The following RIPK2 variants were observed in gnomAD, a reference collection of about 807,000 sequenced individuals.
RIPK2 encodes the protein receptor interacting serine/threonine kinase 2.
A neutral mutation model predicts 60.9 loss-of-function variants in RIPK2; 38 were observed. That is an observed-to-expected ratio of 0.62 (90% CI 0.48 to 0.82). RIPK2 has a LOEUF of 0.82. Ranked by LOEUF, RIPK2 falls within the 40% of genes least tolerant of loss-of-function variation. RIPK2 has a pLI of 0.00. For synonymous variants in RIPK2, 225 were observed against 223.4 expected, an observed-to-expected ratio of 1.01 and a Z score of -0.06; for missense variants, 518 against 647.0, an observed-to-expected ratio of 0.80 and a Z score of 2.16.
chr8:89,763,023 T>C, intron 2 of RIPK2, 41 bp downstream of exon 2: 1 of 1,246,736 alleles, frequency 8.0e-7, no homozygotes. Flanking sequence ...TTGCCATTTT[T>C]ACTATTCAAA....
intron 5 of RIPK2, among the ~76,000 whole-genome samples, chr8:89,772,214 C>T (rs555755165): frequency 6.6e-6 from 1 of 152,024 alleles, no homozygotes; most frequent in Non-Finnish European, 1.5e-5. Context: ...ATATCGAAGA[C>T]TAATCTGTCC....
At chr8:89,786,826 T>C in intron 9 of RIPK2, 140 bp downstream of exon 9, 1 of 639,628 alleles carries the variant, frequency 1.6e-6, no homozygotes, top group East Asian at 2.8e-5. Flanking sequence ...AGTCTAAAGA[T>C]AGGAAAATAG....
chr8:89,774,468 T>A (rs555990950), intron 6 of RIPK2, among the ~76,000 whole-genome samples: 15 of 152,216 alleles, frequency 9.9e-5, no homozygotes, highest in Non-Finnish European at 1.5e-4. Context: ...TGCTGCCACT[T>A]TGGAAAACGG....
intron 6 of RIPK2, among the ~76,000 whole-genome samples, chr8:89,775,440 A>G (rs1479950386): frequency 1.3e-5 from 2 of 151,992 alleles, no homozygotes; most frequent in African/African-American, 4.8e-5. Context: ...CTAGCTGACA[A>G]AGCAAAATGC....
At chr8:89,773,851 G>C (rs1280253477) in intron 6 of RIPK2, among the ~76,000 whole-genome samples, 1 of 152,124 alleles carries the variant, frequency 6.6e-6, no homozygotes, top group Non-Finnish European at 1.5e-5. Context: ...AAATAAATAG[G>C]ATTCATTAAA....
intron 3 of RIPK2, among the ~76,000 whole-genome samples, chr8:89,766,049 T>G (rs1039139736): frequency 2.0e-5 from 3 of 151,860 alleles, no homozygotes; most frequent in African/African-American, 7.2e-5. Context: ...CTGCTTTCCA[T>G]CTCTTTAATT....
At chr8:89,768,430 C>T (rs1261974000) in intron 3 of RIPK2, among the ~76,000 whole-genome samples, 1 of 151,630 alleles carries the variant, frequency 6.6e-6, no homozygotes, top group Non-Finnish European at 1.5e-5. Context: ...CAGTACAGAG[C>T]TTGAATCAGA....
At chr8:89,777,650 CATTT>C (rs1809421187) in intron 6 of RIPK2, among the ~76,000 whole-genome samples, 1 of 151,900 alleles carries the variant, frequency 6.6e-6, no homozygotes. Flanking sequence ...AGACATGTTT[CATTT>C]ATAGCCATTG....
In RIPK2 at chr8:89,764,420, G is replaced by A. The variant is rs924456632; in HGVS notation, c.328-921G>A. On this transcript the variant is annotated intron_variant, in intron 2 of 10. Transcript: ENST00000220751. ...TGCCAGATTGATCACTGAACTATAA[G>A]CTGACGCATTTGCAGAAAAACTTCT... Among the ~76,000 whole-genome samples the A allele has an allele frequency of 2.2e-4, 34 of 152,114 alleles. 1 individual carries two copies. Among genetic ancestry groups the A allele is most frequent in the Non-Finnish European group, 2.5e-4 (17 of 68,012 alleles).
chr8:89,780,056 AT>A lies in RIPK2; in HGVS notation c.854-12del, dbSNP rs766708352. 7.9e-7 allele frequency: 1 copy of A among 1,272,218 alleles called. No homozygotes were observed. The highest frequency in any genetic ancestry group is 1.1e-6 in the Non-Finnish European group (1 of 896,044). 78.8% of individuals were successfully genotyped at this position (1,272,218 alleles called of 1,614,324 possible). A position where few individuals can be genotyped will look rare whatever the true frequency, so the allele number is the denominator to read the frequency against. The stretch of plus-strand genomic sequence containing the variant: ...TAGAAGCAATCTGAACTCAACCTGT[AT>A]TTTTTTCTCTTATGTAGAATGTTTA... On this transcript the variant is annotated intron_variant, in intron 6 of 10. Coordinates refer to ENST00000220751, the MANE Select transcript of RIPK2 (RefSeq NM_003821.6).
intron 3 of RIPK2, among the ~76,000 whole-genome samples, chr8:89,768,857 G>C (rs1174330227): frequency 1.3e-5 from 2 of 151,508 alleles, no homozygotes; most frequent in Non-Finnish European, 3.0e-5. Flanking sequence ...AAAAATATAG[G>C]AGGTAAACAA....
At chr8:89,789,226 G>T in intron 9 of RIPK2, 95 bp from the exon 10 acceptor site, 2 of 1,026,984 alleles carry the variant, frequency 1.9e-6, no homozygotes, top group Non-Finnish European at 2.9e-6. Context: ...TAAAGACATT[G>T]GAGCCTACCT....
At chr8:89,770,621 G>C (rs912266380) in intron 4 of RIPK2, among the ~76,000 whole-genome samples, 1 of 151,766 alleles carries the variant, frequency 6.6e-6, no homozygotes, top group Non-Finnish European at 1.5e-5. Context: ...GACTCTCTAA[G>C]TTTGCTCTGA....
At chr8:89,763,784 C>T (rs1356987100) in intron 2 of RIPK2, among the ~76,000 whole-genome samples, 1 of 152,150 alleles carries the variant, frequency 6.6e-6, no homozygotes. Flanking sequence ...GAATACATCA[C>T]ATTCTATTCA....
At position 89,770,540 on chromosome 8, in the gene RIPK2, G is replaced by A. The variant is rs528218962; in HGVS notation, c.641+611G>A. Among the ~76,000 whole-genome samples, 5 of 151,892 alleles carry A rather than the reference G, an allele frequency of 3.3e-5. No individual in the cohort carries two copies. The South Asian group carries it at 1.0e-3, about 31-fold the overall frequency. ...GAAGATGATTATTTACACAGGTTTA[G>A]GAGATGGGGACATTCACCTCATGTA... On this transcript the variant is annotated intron_variant, in intron 4 of 10. Transcript: ENST00000220751.
chr8:89,770,833 C>A (rs367583206), intron 4 of RIPK2, among the ~76,000 whole-genome samples: 1 of 151,928 alleles, frequency 6.6e-6, no homozygotes, highest in East Asian at 1.9e-4. Flanking sequence ...AGTGGCTGCA[C>A]TAAAACAATT....
intron 3 of RIPK2, among the ~76,000 whole-genome samples, chr8:89,766,404 T>TC (rs1251861027): frequency 6.6e-6 from 1 of 151,830 alleles, no homozygotes; most frequent in Non-Finnish European, 1.5e-5. Context: ...AAAGAAAGTA[T>TC]CCAACTATTT....
At chr8:89,780,993 T>C (rs1809490023) in intron 7 of RIPK2, among the ~76,000 whole-genome samples, 1 of 151,570 alleles carries the variant, frequency 6.6e-6, no homozygotes, top group African/African-American at 2.4e-5. Context: ...GCAACCACAG[T>C]TCATTAGGGC....
intron 9 of RIPK2, among the ~76,000 whole-genome samples, chr8:89,788,742 C>T (rs1168514441): frequency 1.3e-5 from 2 of 151,600 alleles, no homozygotes; most frequent in Admixed American, 6.6e-5. Flanking sequence ...GCAACCATTG[C>T]ACTCCAGCCT....
Sources: allele counts gnomAD v4.1 joint callset (sites outside exome capture counted in the v4.1 genomes callset), GRCh38; gene constraint gnomAD v4.1.1; transcripts MANE v1.5; gene names NCBI Gene and HGNC (gene_info 2026-07-23, HGNC 2026-07-21).